The following SLC52A3 variants were observed in gnomAD, a reference collection of about 807,000 sequenced individuals.
SLC52A3 encodes solute carrier family 52, riboflavin transporter, member 3.
Under a neutral mutation model 29.5 loss-of-function variants are expected in SLC52A3, and 20 were observed. The ratio of observed to expected loss-of-function variants is 0.68; its 90% CI spans 0.48 to 0.99. The LOEUF is 0.99. Ranked by LOEUF, SLC52A3 falls within the 50% of genes least tolerant of loss-of-function variation. The probability of loss-of-function intolerance (pLI) is 0.00; values close to 1 mark genes in which losing one functional copy is unlikely to be tolerated. For missense variants in SLC52A3, 548 were observed against 612.9 expected (o/e 0.89, Z 1.12); for synonymous variants, 301 against 271.0 (o/e 1.11, Z -1.09).
intron 4 of SLC52A3, 22 bp downstream of exon 4, chr20:761,679 G>A (rs1447767157): frequency 6.2e-7 from 1 of 1,613,022 alleles, no homozygotes; most frequent in Non-Finnish European, 8.5e-7. Context: ...AGCGGGAGCA[G>A]CCCCACCGGC....
rs1310858614 is a variant in SLC52A3, at chr20:763,742, C to T, written c.829G>A (p.Gly277Ser). 3 of 1,614,182 alleles carry T rather than the reference C, an allele frequency of 1.9e-6. No homozygotes were observed. The Admixed American group carries it at 5.0e-5, about 27-fold the overall frequency. ...PREENDLGPA[G>S]TVDSSQGQGY... ...TGGCCCTGGCTGCTGTCCACCGTGC[C>T]TGCAGGGCCCAAGTCATTCTCTTCC... The change falls in exon 3 of 5, where the codon GGC becomes AGC. Residue 277 changes from glycine (G) to serine (S), a missense_variant. Gly to Ser is a moderately conservative substitution (Grantham distance 56). Transcript: ENST00000645534.
upstream of SLC52A3, among the ~76,000 whole-genome samples, chr20:770,404 C>A (rs146020439): frequency 2.0e-5 from 3 of 152,172 alleles, no homozygotes; most frequent in South Asian, 4.2e-4. This position sits in a 1 kb window ranked among gnomAD's most constrained non-coding sequence, Gnocchi z 4.5. Context: ...GTGATCCCCA[C>A]GCCTCAGCCT....
intron 3 of SLC52A3, among the ~76,000 whole-genome samples, chr20:762,181 C>T (rs569474117): frequency 9.8e-5 from 15 of 152,306 alleles, no homozygotes; most frequent in East Asian, 1.9e-4. Flanking sequence ...AGCATGCAGG[C>T]CTGGCGCCGC....
rs745750480 is a variant in SLC52A3, at chr20:761,063, G to T, written c.1373C>A (p.Ser458Ter). Residue 458 changes from serine to a stop codon, truncating the protein, a stop_gained, in exon 5 of 5, where the codon TCG becomes TAG. Coordinates refer to ENST00000645534, the MANE Select transcript of SLC52A3 (RefSeq NM_033409.4). LOFTEE classifies it high-confidence loss of function. The part of the protein sequence containing the change: ...FPLVNVLRLF[S>*]SADFCNLHCP... ...GTGCAGATTGCAGAAGTCCGCGGACGAGAAGAGCCGCAGCACGTTGACCAG... is the reference window on the plus strand; with the variant it reads ...GTGCAGATTGCAGAAGTCCGCGGACTAGAAGAGCCGCAGCACGTTGACCAG... The T allele has an allele frequency of 5.0e-6, 8 of 1,609,728 alleles. No homozygotes were observed. The highest frequency in any genetic ancestry group is 6.8e-6 in the Non-Finnish European group (8 of 1,178,698).
rs767663601 is a variant in SLC52A3 at position 765,794 on chromosome 20, C to T, written c.-20G>A. On this transcript the variant is annotated 5_prime_UTR_variant, in exon 2 of 5. Coordinates refer to ENST00000645534, the MANE Select transcript of SLC52A3 (RefSeq NM_033409.4). This position sits in a 1 kb window ranked among gnomAD's most constrained non-coding sequence, Gnocchi z 6.6. ...GGCCATGGCGGTATCTGCCCTGGGC[C>T]AGAGGCTTTCTCAGATCAGCCTGCA... 7.5e-6 allele frequency: 12 copies of T among 1,608,284 alleles called. No individual in the cohort carries two copies. Among genetic ancestry groups the T allele is most frequent in the Non-Finnish European group, 1.0e-5 (12 of 1,177,908 alleles).
At chr20:764,496 TAAGGGGAGA>T (rs1387123889) in intron 2 of SLC52A3, among the ~76,000 whole-genome samples, 66 of 151,560 alleles carry the variant, frequency 4.4e-4, no homozygotes, top group Middle Eastern at 6.8e-3. Context: ...AGCCCCCACC[TAAGGGGAGA>T]ATCCCCCACC....
chr20:772,884 C>T (rs1986889313), upstream of SLC52A3, among the ~76,000 whole-genome samples: 2 of 152,132 alleles, frequency 1.3e-5, no homozygotes, highest in Non-Finnish European at 2.9e-5. Context: ...AAAGCACGGT[C>T]CAGGGGAGAA....
At chr20:769,960 C>G (rs1343644009), upstream of SLC52A3, among the ~76,000 whole-genome samples, 1 of 152,148 alleles carries the variant, frequency 6.6e-6, no homozygotes, top group Non-Finnish European at 1.5e-5. Context: ...AACTAAAGGA[C>G]TACATTTCCC....
rs199861879 is a variant in SLC52A3, at chr20:765,678, C to G, written c.97G>C (p.Glu33Gln). ...LWVELPLLVM[E>Q]LPEGWYLPSY... Reference sequence around the variant, plus strand: ...GGCAGGTACCAGCCCTCGGGCAGCTCCATCACCAGCAGGGGCAGCTCTACC... The same window carrying G: ...GGCAGGTACCAGCCCTCGGGCAGCTGCATCACCAGCAGGGGCAGCTCTACC... Residue 33 changes from glutamate (E) to glutamine (Q), a missense_variant, in exon 2 of 5, where the codon GAG becomes CAG. Around this residue, in one of 2 missense-constraint regions of SLC52A3, gnomAD observed 375 missense variants for 471.1 expected, o/e 0.80. Coordinates refer to ENST00000645534, the MANE Select transcript of SLC52A3 (RefSeq NM_033409.4). The surrounding 1 kb of genome is among the most constrained non-coding windows in gnomAD (Gnocchi z 6.6). The G allele has an allele frequency of 1.2e-4, 187 of 1,613,536 alleles. 1 individual carries two copies. The Admixed American group carries it at 3.1e-3, about 27-fold the overall frequency.
upstream of SLC52A3, among the ~76,000 whole-genome samples, chr20:772,516 G>C (rs1232142725): frequency 3.9e-5 from 6 of 152,252 alleles, no homozygotes; most frequent in East Asian, 1.2e-3. Context: ...CCAGAGAAAA[G>C]GAGAGACTCA....
chr20:760,785 CTT>C lies in SLC52A3; in HGVS notation c.*239_*240del, dbSNP rs1490793686. ...GCTAGATGCTGCAAATCAGTCCTCT[CTT>C]GAGAGTCAAAGCAAAGGAGATCTGA... On this transcript the variant is annotated 3_prime_UTR_variant, in exon 5 of 5. Coordinates refer to ENST00000645534, the MANE Select transcript of SLC52A3 (RefSeq NM_033409.4). This position sits in a 1 kb window ranked among gnomAD's most constrained non-coding sequence, Gnocchi z 4.9. 3.5e-6 allele frequency: 2 copies of C among 577,600 alleles called. No homozygotes were observed. The highest frequency in any genetic ancestry group is 3.1e-6 in the Non-Finnish European group (1 of 324,532). 35.8% of individuals were successfully genotyped at this position (577,600 alleles called of 1,614,324 possible).
In SLC52A3 at chr20:763,878, C is replaced by G. The variant is rs369075038; in HGVS notation, c.693G>C (p.Met231Ile). The change falls in exon 3 of 5, where the codon ATG (methionine) becomes ATC (isoleucine). Residue 231 changes from methionine (M) to isoleucine (I), a missense_variant. Physicochemically the swap from Met to Ile is conservative, Grantham distance 10. Transcript: ENST00000645534. ...LVFFLLLSIM[M>I]ACCLVAFFVL... ...CAAAGAACGCCACGAGGCAGCAGGC[C>G]ATCATGATGGATAGGAGGAGGAAGA... 1.1e-5 allele frequency: 17 copies of G among 1,613,958 alleles called. No homozygotes were observed. The highest frequency in any genetic ancestry group is 2.7e-5 in the African/African-American group (2 of 74,864).
In SLC52A3 at chr20:760,594, C is replaced by T. The variant is rs2122502579; in HGVS notation, c.*432G>A. On this transcript the variant is annotated 3_prime_UTR_variant, in exon 5 of 5. Transcript: ENST00000645534. The surrounding 1 kb of genome is among the most constrained non-coding windows in gnomAD (Gnocchi z 4.9). ...TGATGCGGGCTGCTTTTTCCTTTTGCCTCCGTGCCATGCCTGTGAGGTAGT... is the reference window on the plus strand; with the variant it reads ...TGATGCGGGCTGCTTTTTCCTTTTGTCTCCGTGCCATGCCTGTGAGGTAGT... 1 of 185,880 alleles carries T rather than the reference C, an allele frequency of 5.4e-6. No individual in the cohort carries two copies. The highest frequency in any genetic ancestry group is 2.5e-3 in the Middle Eastern group (1 of 394). The allele number at this position is 185,880 out of a possible 1,614,324, so 11.5% of individuals were successfully genotyped here.
Position 765,914 on chromosome 20 carries a change from T to G in SLC52A3, c.-51-89A>C. ...GGGGCCCAGAGTTTTCTCTTATTAC[T>G]CCCCTTCCTGTGAACAAGCTGGCTT... On this transcript the variant is annotated intron_variant, in intron 1 of 4. Coordinates refer to ENST00000645534, the MANE Select transcript of SLC52A3 (RefSeq NM_033409.4). This position sits in a 1 kb window ranked among gnomAD's most constrained non-coding sequence, Gnocchi z 6.6. The G allele has an allele frequency of 2.7e-6, 2 of 754,536 alleles. No homozygotes were observed. The highest frequency in any genetic ancestry group is 4.4e-6 in the Non-Finnish European group (2 of 454,548). The allele number at this position is 754,536 out of a possible 1,614,324, so 46.7% of individuals were successfully genotyped here.
Position 761,109 on chromosome 20 carries a change from C to T in SLC52A3, c.1327G>A (p.Gly443Arg). Residue 443 changes from glycine to arginine, a missense_variant, in exon 5 of 5, where the codon GGA becomes AGA. Physicochemically the swap from Gly to Arg is moderately radical, Grantham distance 125. Coordinates refer to ENST00000645534, the MANE Select transcript of SLC52A3 (RefSeq NM_033409.4). ...ACCAGAGGGAACATGAGCAGCGCTCCGAGCAGCGAGCCCAGCTGCACCGCC... is the reference window on the plus strand; with the variant it reads ...ACCAGAGGGAACATGAGCAGCGCTCTGAGCAGCGAGCCCAGCTGCACCGCC... ...GAAVQLGSLL[G>R]ALLMFPLVNV... 1 of 1,604,018 alleles carries T rather than the reference C, an allele frequency of 6.2e-7. No individual in the cohort carries two copies. Among genetic ancestry groups the T allele is most frequent in the Non-Finnish European group, 8.5e-7 (1 of 1,176,196 alleles).
Position 763,868 on chromosome 20 carries a change from G to C in SLC52A3, c.703C>G (p.Leu235Val), listed in dbSNP as rs773703686. Reference sequence around the variant, plus strand: ...CGCTGGAGGACAAAGAACGCCACGAGGCAGCAGGCCATCATGATGGATAGG... The same window carrying C: ...CGCTGGAGGACAAAGAACGCCACGACGCAGCAGGCCATCATGATGGATAGG... ...LLLSIMMACCLVAFFVLQRQP... is the reference protein window; with the variant it reads ...LLLSIMMACCVVAFFVLQRQP... Residue 235 changes from leucine to valine, a missense_variant, in exon 3 of 5, where the codon CTC (leucine) becomes GTC (valine). Physicochemically the swap from Leu to Val is conservative, Grantham distance 32. Coordinates refer to ENST00000645534, the MANE Select transcript of SLC52A3 (RefSeq NM_033409.4). 3 of 1,614,186 alleles carry C rather than the reference G, an allele frequency of 1.9e-6. No individual in the cohort carries two copies. In the East Asian group the frequency reaches 6.7e-5, roughly 36 times the overall value.
At chr20:778,611 C>G (rs6133394), upstream of SLC52A3, among the ~76,000 whole-genome samples, 8,811 of 152,100 alleles carry the variant, frequency 0.058, 643 homozygotes, top group East Asian at 0.42. Flanking sequence ...TCTATAGTAC[C>G]AAATACTTTG....
At chr20:776,688 G>T (rs573948965), upstream of SLC52A3, among the ~76,000 whole-genome samples, 4 of 152,264 alleles carry the variant, frequency 2.6e-5, no homozygotes, top group African/African-American at 9.6e-5. Context: ...CAGGGGAAAT[G>T]AGTTTGTTCC....
upstream of SLC52A3, among the ~76,000 whole-genome samples, chr20:777,247 A>G (rs1159167185): frequency 8.3e-5 from 7 of 84,756 alleles, no homozygotes; most frequent in Admixed American, 6.0e-4. Flanking sequence ...ATAAAACAAA[A>G]ACAAACAAAC....
Sources: gnomAD v4.1 joint callset for allele counts (sites outside exome capture counted in the v4.1 genomes callset) on GRCh38, gnomAD v4.1.1 for gene constraint, gnomAD v4.1.1 regional missense constraint, Gnocchi (gnomAD v3.1) non-coding constraint, MANE v1.5 for transcripts, NCBI Gene and HGNC (gene_info 2026-07-23, HGNC 2026-07-21) for gene names.